The following WWOX variants were observed in gnomAD, a reference collection of about 807,000 sequenced individuals.
The protein encoded by WWOX is WW domain-containing oxidoreductase.
In WWOX, 69 loss-of-function variants were observed where a neutral mutation model predicts 46.2. The ratio of observed to expected loss-of-function variants is 1.49; its 90% CI spans 1.23 to 1.82. WWOX has a LOEUF of 1.82. Ranked by LOEUF, WWOX falls within the 40% of genes most tolerant of loss-of-function variation. The probability of loss-of-function intolerance (pLI) is 0.00; values close to 1 mark genes in which losing one functional copy is unlikely to be tolerated. For missense variants in WWOX, 919 were observed against 542.6 expected (o/e 1.69, Z -6.89); for synonymous variants, 359 against 202.6 (o/e 1.77, Z -6.56).
chr16:78,255,690 A>G (rs1338868061), intron 5 of WWOX, among the ~76,000 whole-genome samples: 2 of 152,324 alleles, frequency 1.3e-5, no homozygotes, highest in East Asian at 3.9e-4. Flanking sequence ...AGTAGAACAC[A>G]TCCCAAGAAC....
chr16:79,045,780 C>CTTTTTTTTTTTTTTTTT (rs770463813), intron 8 of WWOX, among the ~76,000 whole-genome samples: 1 of 54,234 alleles, frequency 1.8e-5, no homozygotes, highest in Non-Finnish European at 3.9e-5. Context: ...TTTTCTTTTC[C>CTTTTTTTTTTTTTTTTT]TTTTTTTTTT....
chr16:78,535,113 C>G (rs1384855015), intron 8 of WWOX: 5 of 152,420 alleles, frequency 3.3e-5, no homozygotes, highest in East Asian at 1.9e-4. Context: ...CCTTCTCTTC[C>G]TCTTCCAGTG....
chr16:78,344,986 A>C (rs559337340), intron 5 of WWOX, among the ~76,000 whole-genome samples: 1 of 120,188 alleles, frequency 8.3e-6, no homozygotes, highest in South Asian at 2.5e-4. Context: ...CCATTTTTCC[A>C]GGTGAAAACG....
chr16:78,764,799 A>G (rs1681642899), intron 8 of WWOX, among the ~76,000 whole-genome samples: 1 of 151,804 alleles, frequency 6.6e-6, no homozygotes, highest in African/African-American at 2.4e-5. Flanking sequence ...CACGGTAAAC[A>G]ACTTACCTAG....
At chr16:78,647,846 T>C (rs1199840282) in intron 8 of WWOX, among the ~76,000 whole-genome samples, 1 of 152,188 alleles carries the variant, frequency 6.6e-6, no homozygotes, top group Non-Finnish European at 1.5e-5. Context: ...TTTCTGGCTT[T>C]GGGGGATCCC....
rs541065676 is a variant in WWOX at position 78,725,062 on chromosome 16, G to T, written c.1056+292310G>T. The stretch of plus-strand genomic sequence containing the variant: ...ATTCCCATATGTTGTGGGAGGGACC[G>T]GGTGGGAGAATATTGAATCATGGGG... On this transcript the variant is annotated intron_variant, in intron 8 of 8. Coordinates refer to ENST00000566780, the MANE Select transcript of WWOX (RefSeq NM_016373.4). Among the ~76,000 whole-genome samples the T allele has an allele frequency of 8.5e-5, 13 of 152,220 alleles. No individual in the cohort carries two copies. The East Asian group carries it at 2.3e-3, about 27-fold the overall frequency.
intron 8 of WWOX, among the ~76,000 whole-genome samples, chr16:78,636,958 G>A (rs548568185): frequency 2.0e-5 from 3 of 152,276 alleles, no homozygotes; most frequent in South Asian, 4.2e-4. Flanking sequence ...TGGTTTGGAC[G>A]CGTTCCCCTT....
intron 8 of WWOX, among the ~76,000 whole-genome samples, chr16:78,672,912 C>A (rs1055147511): frequency 6.6e-6 from 1 of 152,196 alleles, no homozygotes; most frequent in Non-Finnish European, 1.5e-5. Context: ...AATGCTGTGC[C>A]TTCCTCCTTC....
chr16:78,680,292 C>G (rs1017666227), intron 8 of WWOX, among the ~76,000 whole-genome samples: 1 of 152,144 alleles, frequency 6.6e-6, no homozygotes, highest in Admixed American at 6.5e-5. Context: ...ATCTGCAGTC[C>G]TGGCTACTCA....
At chr16:78,860,782 A>T (rs1049280633) in intron 8 of WWOX, among the ~76,000 whole-genome samples, 3 of 152,156 alleles carry the variant, frequency 2.0e-5, no homozygotes, top group South Asian at 2.1e-4. Flanking sequence ...AAAATTAGGG[A>T]GTTAAAATGA....
At chr16:78,933,265 C>T (rs559727210) in intron 8 of WWOX, among the ~76,000 whole-genome samples, 1 of 152,166 alleles carries the variant, frequency 6.6e-6, no homozygotes, top group African/African-American at 2.4e-5. Flanking sequence ...TTGGCAAAAC[C>T]CAGTGTCTAC....
At chr16:78,689,162 A>G (rs1266680060) in intron 8 of WWOX, among the ~76,000 whole-genome samples, 2 of 152,122 alleles carry the variant, frequency 1.3e-5, no homozygotes, top group Non-Finnish European at 2.9e-5. Flanking sequence ...CCCACCCTCT[A>G]CTTCCACCCC....
chr16:78,911,431 T>C (rs1006494658), intron 8 of WWOX, among the ~76,000 whole-genome samples: 4 of 152,034 alleles, frequency 2.6e-5, no homozygotes, highest in Non-Finnish European at 4.4e-5. Context: ...ATCCTGACTT[T>C]TGTGGAGACA....
At chr16:78,421,781 T>C (rs1363470861) in intron 6 of WWOX, among the ~76,000 whole-genome samples, 1 of 152,202 alleles carries the variant, frequency 6.6e-6, no homozygotes, top group Non-Finnish European at 1.5e-5. Context: ...TGCTGACAAT[T>C]CTAAACATTA....
intron 8 of WWOX, among the ~76,000 whole-genome samples, chr16:78,910,360 C>T (rs1024948724): frequency 2.6e-5 from 4 of 152,000 alleles, no homozygotes; most frequent in Non-Finnish European, 5.9e-5. Context: ...ACAGCCTTTT[C>T]TGGACTTGTA....
At chr16:78,260,681 GTT>G (rs1027551096) in intron 5 of WWOX, among the ~76,000 whole-genome samples, 1 of 148,380 alleles carries the variant, frequency 6.7e-6, no homozygotes, top group Non-Finnish European at 1.5e-5. Context: ...AAAAAAATTA[GTT>G]ATCTCTGCCC....
In WWOX at chr16:78,406,923, G is replaced by A. The variant is rs77363068; in HGVS notation, c.606-17947G>A. Among the ~76,000 whole-genome samples the A allele has an allele frequency of 1.5e-3, 226 of 152,306 alleles. 3 individuals are homozygous for A. The East Asian group carries it at 0.03, about 20-fold the overall frequency. On this transcript the variant is annotated intron_variant, in intron 6 of 8. Coordinates refer to ENST00000566780, the MANE Select transcript of WWOX (RefSeq NM_016373.4). The stretch of plus-strand genomic sequence containing the variant: ...TTACAGGCGTCAGCCACTGTGCCCG[G>A]CCGGATAGAAATAATTTTTATAAAC...
intron 8 of WWOX, among the ~76,000 whole-genome samples, chr16:79,075,116 T>A (rs1414293273): frequency 6.6e-6 from 1 of 152,206 alleles, no homozygotes; most frequent in Admixed American, 6.5e-5. Flanking sequence ...TCTCAAAATA[T>A]AATTCCTGAG....
intron 6 of WWOX, among the ~76,000 whole-genome samples, chr16:78,396,279 G>T (rs941632104): frequency 1.3e-5 from 2 of 151,850 alleles, no homozygotes; most frequent in Admixed American, 6.6e-5. Context: ...CATCAATTAG[G>T]GGTCACTTAG....
Sources: allele counts gnomAD v4.1 joint callset (sites outside exome capture counted in the v4.1 genomes callset), GRCh38; gene constraint gnomAD v4.1.1; transcripts MANE v1.5; gene names NCBI Gene and HGNC (gene_info 2026-07-23, HGNC 2026-07-21).